JARID2: variants seen among roughly 807,000 people sequenced by gnomAD.
JARID2 encodes jumonji and AT-rich interaction domain containing 2.
JARID2 carries 21 observed loss-of-function variants against 125.6 expected under a neutral mutation model. The ratio of observed to expected loss-of-function variants is 0.17; its 90% CI spans 0.12 to 0.24. JARID2 has a LOEUF of 0.24. JARID2 is among the 10% of genes least tolerant of loss of function. The probability of loss-of-function intolerance (pLI) is 1.00; values close to 1 mark genes in which losing one functional copy is unlikely to be tolerated. For missense variants in JARID2, 1,303 were observed against 1,639.6 expected (o/e 0.79, Z 3.55); for synonymous variants, 736 against 661.6 (o/e 1.11, Z -1.73).
chr6:15,317,924 CA>C (rs1278003800), intron 1 of JARID2, among the ~76,000 whole-genome samples: 2 of 152,214 alleles, frequency 1.3e-5, no homozygotes, highest in East Asian at 3.9e-4. Context: ...TGCTGGCCAG[CA>C]GTGCCTGCAA....
chr6:15,378,907 C>T (rs1002259467), intron 2 of JARID2, among the ~76,000 whole-genome samples: 20 of 152,136 alleles, frequency 1.3e-4, no homozygotes, highest in African/African-American at 4.1e-4. Context: ...TCTCCTGAAT[C>T]ATTGGCATCC....
intron 1 of JARID2, chr6:15,247,877 C>A: frequency 1.0e-6 from 1 of 985,380 alleles, no homozygotes. Flanking sequence ...GGGTAGAATG[C>A]AAAGGACTAG....
intron 11 of JARID2, among the ~76,000 whole-genome samples, chr6:15,508,035 G>A (rs1045090151): frequency 6.6e-6 from 1 of 152,224 alleles, no homozygotes; most frequent in African/African-American, 2.4e-5. Flanking sequence ...TCAGCCTTGA[G>A]GCTTGGGGGC....
At chr6:15,283,001 C>T (rs1171061218) in intron 1 of JARID2, among the ~76,000 whole-genome samples, 16 of 151,262 alleles carry the variant, frequency 1.1e-4, no homozygotes, top group South Asian at 4.2e-4. Context: ...TTTTTTGAGA[C>T]GGAGTCTCAC....
chr6:15,442,394 C>G (rs1294742798), intron 3 of JARID2, among the ~76,000 whole-genome samples: 17 of 152,362 alleles, frequency 1.1e-4, no homozygotes, highest in Non-Finnish European at 2.4e-4. Flanking sequence ...GTAACTACAA[C>G]AGCCTATTAG....
At chr6:15,453,639 TGCGTATGG>T (rs1768021416) in intron 4 of JARID2, among the ~76,000 whole-genome samples, 1 of 152,202 alleles carries the variant, frequency 6.6e-6, no homozygotes, top group Non-Finnish European at 1.5e-5. Context: ...CATAATTGTA[TGCGTATGG>T]GCTTCCTATT....
intron 3 of JARID2, among the ~76,000 whole-genome samples, chr6:15,425,630 G>A (rs1766693033): frequency 1.3e-5 from 2 of 152,112 alleles, no homozygotes; most frequent in South Asian, 4.1e-4. Context: ...GCCATATGTT[G>A]CCTTCTACTC....
At chr6:15,388,678 C>T (rs1253406116) in intron 2 of JARID2, among the ~76,000 whole-genome samples, 1 of 151,506 alleles carries the variant, frequency 6.6e-6, no homozygotes, top group Non-Finnish European at 1.5e-5. Context: ...ACATCCCATT[C>T]TTGATTATAA....
chr6:15,362,068 A>G (rs1467296507), intron 1 of JARID2, among the ~76,000 whole-genome samples: 1 of 151,098 alleles, frequency 6.6e-6, no homozygotes, highest in Admixed American at 6.6e-5. Context: ...TAGTTTTTGT[A>G]TTTTTAGTGG....
At chr6:15,368,431 GCAAACT>G (rs1372110336) in intron 1 of JARID2, among the ~76,000 whole-genome samples, 1 of 152,166 alleles carries the variant, frequency 6.6e-6, no homozygotes, top group Non-Finnish European at 1.5e-5. Flanking sequence ...ATAGTTAACT[GCAAACT>G]CATGAGATCC....
At chr6:15,504,224 G>A (rs1217685701) in intron 8 of JARID2, among the ~76,000 whole-genome samples, 10 of 150,418 alleles carry the variant, frequency 6.6e-5, no homozygotes, top group East Asian at 3.9e-4. Context: ...TCTGCTGTGC[G>A]TCCGCTCAGG....
chr6:15,512,252 G>A lies in JARID2; in HGVS notation c.2997G>A (p.Arg999=), dbSNP rs760120711. The A allele has an allele frequency of 1.2e-6, 2 of 1,614,198 alleles. No individual in the cohort carries two copies. The highest frequency in any genetic ancestry group is 1.3e-5 in the African/African-American group (1 of 75,066). The change falls in exon 14 of 18, where the codon AGG becomes AGA. Residue 999 remains arginine (R), a synonymous_variant. Coordinates refer to ENST00000341776, the MANE Select transcript of JARID2 (RefSeq NM_004973.4). The stretch of plus-strand genomic sequence containing the variant: ...GCAAAGAGGGGATCAAGGTGCACAG[G>A]ACCGTGCAGCAGAGTGGCCAGTTTG... ...VLCKEGIKVH[R]TVQQSGQFVV...
chr6:15,471,677 G>A (rs1179155583), intron 5 of JARID2, among the ~76,000 whole-genome samples: 1 of 152,148 alleles, frequency 6.6e-6, no homozygotes, highest in Non-Finnish European at 1.5e-5. Context: ...TTCACATGCT[G>A]ATTTTTCTCA....
chr6:15,287,896 G>A (rs1020033209), intron 1 of JARID2, among the ~76,000 whole-genome samples: 4 of 152,160 alleles, frequency 2.6e-5, no homozygotes, highest in African/African-American at 7.2e-5. Flanking sequence ...GTGAGCTTTC[G>A]GGGTGTGGTG....
At chr6:15,416,800 A>G (rs1766249142) in intron 3 of JARID2, among the ~76,000 whole-genome samples, 1 of 152,056 alleles carries the variant, frequency 6.6e-6, no homozygotes, top group African/African-American at 2.4e-5. Context: ...CCTGTTCTGA[A>G]TGTGAAGGTG....
intron 1 of JARID2, among the ~76,000 whole-genome samples, chr6:15,271,337 A>C (rs1167341785): frequency 1.3e-5 from 2 of 152,168 alleles, no homozygotes; most frequent in East Asian, 3.9e-4. Flanking sequence ...TCTGCATTCT[A>C]ACAAACTCTC....
At chr6:15,253,052 G>C (rs936394277) in intron 1 of JARID2, among the ~76,000 whole-genome samples, 2 of 151,266 alleles carry the variant, frequency 1.3e-5, no homozygotes, top group Non-Finnish European at 2.9e-5. Flanking sequence ...CCAGCTTCAG[G>C]TTTTTTTAAT....
Position 15,287,465 on chromosome 6 carries a change from A to G in JARID2, c.45+40881A>G, listed in dbSNP as rs1761047301. Among the ~76,000 whole-genome samples, 4 of 152,216 alleles carry G rather than the reference A, an allele frequency of 2.6e-5. No individual in the cohort carries two copies. The South Asian group carries it at 8.3e-4, about 32-fold the overall frequency. ...TGATGTTATTTCAAGATAATCTGCA[A>G]CCACTGTAAATCAGTATAAGAGTAT... On this transcript the variant is annotated intron_variant, in intron 1 of 17. Transcript: ENST00000341776.
chr6:15,514,433 C>T (rs1364848665), intron 16 of JARID2, among the ~76,000 whole-genome samples: 1 of 152,238 alleles, frequency 6.6e-6, no homozygotes, highest in Admixed American at 6.5e-5. Flanking sequence ...CTGTGTCCCA[C>T]AGGTGCCCCC....
Sources: allele counts gnomAD v4.1 joint callset (sites outside exome capture counted in the v4.1 genomes callset), GRCh38; gene constraint gnomAD v4.1.1; transcripts MANE v1.5; gene names NCBI Gene and HGNC (gene_info 2026-07-23, HGNC 2026-07-21).